ABCD3: variants seen among roughly 807,000 people sequenced by gnomAD.
ABCD3 encodes ATP-binding cassette sub-family D member 3.
ABCD3 carries 41 observed loss-of-function variants against 105.5 expected under a neutral mutation model. That is an observed-to-expected ratio of 0.39 (90% CI 0.30 to 0.50). ABCD3 has a LOEUF of 0.50. ABCD3 is among the 20% of genes least tolerant of loss of function. The probability of loss-of-function intolerance (pLI) is 0.84; values close to 1 mark genes in which losing one functional copy is unlikely to be tolerated. For missense variants in ABCD3, 622 were observed against 806.3 expected, an observed-to-expected ratio of 0.77 and a Z score of 2.77; for synonymous variants, 258 against 269.0, an observed-to-expected ratio of 0.96 and a Z score of 0.40.
chr1:94,468,033 A>G (rs764328024), intron 4 of ABCD3, 26 bp downstream of exon 4: 29 of 1,487,910 alleles, frequency 1.9e-5, no homozygotes, highest in South Asian at 3.4e-5. Flanking sequence ...CCTTCCTCCT[A>G]TATGTATGAA....
At chr1:94,448,593 T>C (rs1013215911) in intron 1 of ABCD3, among the ~76,000 whole-genome samples, 5 of 152,250 alleles carry the variant, frequency 3.3e-5, no homozygotes, top group African/African-American at 9.6e-5. Context: ...TGCCTATTAA[T>C]GTGATTTCTG....
chr1:94,493,285 C>T (rs1392439112), intron 16 of ABCD3, among the ~76,000 whole-genome samples: 2 of 151,820 alleles, frequency 1.3e-5, no homozygotes, highest in Non-Finnish European at 2.9e-5. Context: ...GGGCGAAGGA[C>T]ATGAACAGAC....
intron 1 of ABCD3, among the ~76,000 whole-genome samples, chr1:94,435,756 G>T (rs1441556253): frequency 6.6e-6 from 1 of 152,188 alleles, no homozygotes; most frequent in Admixed American, 6.5e-5. Flanking sequence ...ATTAGGAAAA[G>T]TTGGATATTT....
At position 94,458,624 on chromosome 1, in the gene ABCD3, C is replaced by T. The variant is rs574371469; in HGVS notation, c.128C>T (p.Pro43Leu). 2 of 1,612,780 alleles carry T rather than the reference C, an allele frequency of 1.2e-6. No homozygotes were observed. The highest frequency in any genetic ancestry group is 2.7e-5 in the African/African-American group (2 of 74,970). The change falls in exon 2 of 23, where the codon CCA becomes CTA. Residue 43 changes from proline (P) to leucine (L), a missense_variant. Physicochemically the swap from Pro to Leu is moderately conservative, Grantham distance 98. This residue lies in a region of ABCD3 where 89 missense variants were observed against 77.5 expected (regional missense o/e 1.15). Transcript: ENST00000370214. ...LGLHGKKSGK[P>L]PLQNNEKEGK... ...CTCTGCAGTAAGAAAAGTGGAAAACCACCATTACAGAACAATGAGGTAAAA... is the reference window on the plus strand; with the variant it reads ...CTCTGCAGTAAGAAAAGTGGAAAACTACCATTACAGAACAATGAGGTAAAA...
At chr1:94,432,587 G>A (rs949199522) in intron 1 of ABCD3, 12 of 152,070 alleles carry the variant, frequency 7.9e-5, no homozygotes, top group African/African-American at 2.9e-4. Flanking sequence ...CATTTTACAG[G>A]TGAGGAATAA....
At chr1:94,420,357 T>C (rs770448988) in intron 1 of ABCD3, among the ~76,000 whole-genome samples, 2 of 152,216 alleles carry the variant, frequency 1.3e-5, no homozygotes, top group Non-Finnish European at 2.9e-5. Context: ...TGGGAAATAG[T>C]AGCGATAGAA....
rs191549249 is a variant in ABCD3, at chr1:94,506,083, A to G, written c.1741-455A>G. ...AGCACAACCAGAACTGACAATGGGG[A>G]TATAAAACAGGTACAATAAAAATTA... is the stretch of plus-strand genomic sequence containing the variant. On this transcript the variant is annotated intron_variant, in intron 20 of 22. Transcript: ENST00000370214. Among the ~76,000 whole-genome samples the G allele has an allele frequency of 2.3e-3, 344 of 152,318 alleles. 3 individuals are homozygous for G. The South Asian group carries it at 0.025, about 11-fold the overall frequency.
chr1:94,408,430 C>A, the ABCD3 span, among the ~76,000 whole-genome samples: 15,226 of 140,762 alleles, frequency 0.11, 886 homozygotes, highest in East Asian at 0.23. Flanking sequence ...TAAAAAAATC[C>A]AAAAAAAAAA....
chr1:94,481,908 G>C (rs915917160), intron 9 of ABCD3: 1 of 152,162 alleles, frequency 6.6e-6, no homozygotes. Context: ...TAAAGCATTA[G>C]GGTACATGGA....
At chr1:94,506,496 G>C (rs752437055) in intron 20 of ABCD3, 42 bp from the exon 21 acceptor site, 79 of 1,199,146 alleles carry the variant, frequency 6.6e-5, no homozygotes, top group Non-Finnish European at 9.4e-5. Flanking sequence ...CTAATTTTAG[G>C]TCTGCCTGTG....
intron 1 of ABCD3, among the ~76,000 whole-genome samples, chr1:94,447,229 A>G (rs577784995): frequency 6.6e-6 from 1 of 152,360 alleles, no homozygotes; most frequent in African/African-American, 2.4e-5. Flanking sequence ...AGAAGGACAC[A>G]TAGCTCCAAC....
At chr1:94,470,336 G>A (rs1299868828) in intron 4 of ABCD3, among the ~76,000 whole-genome samples, 3 of 152,278 alleles carry the variant, frequency 2.0e-5, no homozygotes, top group African/African-American at 7.2e-5. Flanking sequence ...TAAGAATTAT[G>A]AATGTCTGGG....
chr1:94,438,741 A>G (rs1557663088), intron 1 of ABCD3, among the ~76,000 whole-genome samples: 4 of 152,218 alleles, frequency 2.6e-5, no homozygotes, highest in Admixed American at 1.3e-4. Context: ...AACATTTTTT[A>G]GCAATAAAGT....
chr1:94,450,688 C>A (rs577343385), intron 1 of ABCD3, among the ~76,000 whole-genome samples: 1 of 152,132 alleles, frequency 6.6e-6, no homozygotes, highest in African/African-American at 2.4e-5. Flanking sequence ...GGCTGTGAGA[C>A]CCCTGATTTC....
At chr1:94,482,903 G>A (rs1223013077) in intron 9 of ABCD3, 6 of 421,034 alleles carry the variant, frequency 1.4e-5, no homozygotes, top group South Asian at 3.0e-5. Context: ...CTGAGAATTC[G>A]TGCAGTATGT....
Position 94,518,415 on chromosome 1 carries a change from T to C in ABCD3, c.*1286T>C, listed in dbSNP as rs933056337. On this transcript the variant is annotated 3_prime_UTR_variant, in exon 23 of 23. Transcript: ENST00000370214. ...ATCACTGGCTACCGAAGTAAACTGA[T>C]GTACTGAATTCCATAATACATAACA... is the stretch of plus-strand genomic sequence containing the variant. The C allele has an allele frequency of 6.6e-6, 1 of 151,906 alleles. No individual in the cohort carries two copies. Among genetic ancestry groups the C allele is most frequent in the African/African-American group, 2.4e-5 (1 of 41,298 alleles). The allele number at this position is 151,906 out of a possible 1,614,324, so 9.4% of individuals were successfully genotyped here.
At chr1:94,409,147 T>G in the ABCD3 span, among the ~76,000 whole-genome samples, 1 of 152,124 alleles carries the variant, frequency 6.6e-6, no homozygotes, top group African/African-American at 2.4e-5. Context: ...TAAGATCTAG[T>G]ATTTGCTAGC....
chr1:94,504,757 G>GT (rs1267149720), intron 20 of ABCD3, among the ~76,000 whole-genome samples: 1 of 152,128 alleles, frequency 6.6e-6, no homozygotes, highest in Non-Finnish European at 1.5e-5. Context: ...TGTGAAAGAT[G>GT]TTCTCTGGTT....
chr1:94,424,301 G>C (rs1312466904), intron 1 of ABCD3, among the ~76,000 whole-genome samples: 2 of 152,066 alleles, frequency 1.3e-5, no homozygotes, highest in Non-Finnish European at 2.9e-5. Flanking sequence ...TTTTGCTCTT[G>C]CTGTTTCCCC....
Sources: gnomAD v4.1 joint callset for allele counts (sites outside exome capture counted in the v4.1 genomes callset) on GRCh38, gnomAD v4.1.1 for gene constraint, gnomAD v4.1.1 regional missense constraint, MANE v1.5 for transcripts, NCBI Gene and HGNC (gene_info 2026-07-23, HGNC 2026-07-21) for gene names.